ARHGAP22: variants seen among roughly 807,000 people sequenced by gnomAD.
The protein encoded by ARHGAP22 is rho GTPase-activating protein 22.
Under a neutral mutation model 59.1 loss-of-function variants are expected in ARHGAP22, and 48 were observed. The observed-to-expected ratio is 0.81, with a 90% CI of 0.64 to 1.03. The LOEUF (loss-of-function observed/expected upper bound fraction) is 1.03. Ranked by LOEUF, ARHGAP22 falls within the 50% of genes least tolerant of loss-of-function variation. The pLI is 0.00. For missense variants in ARHGAP22, 1,015 were observed against 958.7 expected, an observed-to-expected ratio of 1.06 and a Z score of -0.78; for synonymous variants, 445 against 416.4, an observed-to-expected ratio of 1.07 and a Z score of -0.84.
At chr10:48,457,320 A>G (rs1312156609) in intron 5 of ARHGAP22, among the ~76,000 whole-genome samples, 1 of 151,348 alleles carries the variant, frequency 6.6e-6, no homozygotes, top group Non-Finnish European at 1.5e-5. Flanking sequence ...GCTTCACCCC[A>G]CCTGGGTGTC....
At chr10:48,453,961 G>A (rs575559227) in intron 7 of ARHGAP22, 127 bp downstream of exon 7, 2 of 969,048 alleles carry the variant, frequency 2.1e-6, no homozygotes, top group South Asian at 2.8e-5. Flanking sequence ...GCTGGGTTGA[G>A]GCTGTGCAGG....
chr10:48,579,968 C>T (rs2059008472), intron 2 of ARHGAP22, among the ~76,000 whole-genome samples: 1 of 152,128 alleles, frequency 6.6e-6, no homozygotes, highest in Admixed American at 6.5e-5. Flanking sequence ...CGACAGTTGC[C>T]TTGAGATTGG....
chr10:48,605,039 A>G lies in ARHGAP22; in HGVS notation c.-243T>C, dbSNP rs921283338. On this transcript the variant is annotated 5_prime_UTR_variant, in exon 1 of 10. The change abolishes an upstream ATG in the 5' untranslated region. Coordinates refer to ENST00000249601, the MANE Select transcript of ARHGAP22 (RefSeq NM_021226.4). ...GAATTAATTCCCATCCAAGCGGACCATTAAAGCCTCAGTAATCACTGCTGA... is the reference window on the plus strand; with the variant it reads ...GAATTAATTCCCATCCAAGCGGACCGTTAAAGCCTCAGTAATCACTGCTGA... 4 of 1,425,640 alleles carry G rather than the reference A, an allele frequency of 2.8e-6. No homozygotes were observed. Among genetic ancestry groups the G allele is most frequent in the Non-Finnish European group, 3.7e-6 (4 of 1,092,282 alleles). 88.3% of individuals were successfully genotyped at this position (1,425,640 alleles called of 1,614,324 possible).
At chr10:48,464,903 C>A (rs987526247) in intron 4 of ARHGAP22, among the ~76,000 whole-genome samples, 3 of 152,158 alleles carry the variant, frequency 2.0e-5, no homozygotes, top group African/African-American at 7.2e-5. Flanking sequence ...CACTGGAACC[C>A]TTGGAGGGGA....
At chr10:48,634,301 T>G (rs190555796) in intron 1 of ARHGAP22, among the ~76,000 whole-genome samples, 224 of 152,298 alleles carry the variant, frequency 1.5e-3, no homozygotes, top group Non-Finnish European at 2.4e-3. Context: ...GTCAGTAAAC[T>G]TCAGATCTTC....
intron 3 of ARHGAP22, among the ~76,000 whole-genome samples, chr10:48,520,137 G>C (rs2053670157): frequency 1.3e-5 from 2 of 152,202 alleles, no homozygotes; most frequent in African/African-American, 4.8e-5. Flanking sequence ...GGGAGTGCGG[G>C]ACTGCACTGG....
chr10:48,558,645 G>C (rs991039917), intron 2 of ARHGAP22, among the ~76,000 whole-genome samples: 1 of 152,202 alleles, frequency 6.6e-6, no homozygotes, highest in African/African-American at 2.4e-5. Flanking sequence ...GGGGTTACAG[G>C]TGTGAGTCAC....
chr10:48,549,667 A>G (rs961477523), intron 3 of ARHGAP22, among the ~76,000 whole-genome samples: 2 of 152,188 alleles, frequency 1.3e-5, no homozygotes, highest in Non-Finnish European at 2.9e-5. Context: ...CATCTTATAC[A>G]TTATACGGTC....
At chr10:48,599,875 C>A (rs1018259214) in intron 1 of ARHGAP22, among the ~76,000 whole-genome samples, 1 of 152,164 alleles carries the variant, frequency 6.6e-6, no homozygotes, top group African/African-American at 2.4e-5. Context: ...GAGACAGGTG[C>A]TTGTGAGGGT....
At chr10:48,495,874 G>A (rs932422230) in intron 3 of ARHGAP22, among the ~76,000 whole-genome samples, 5 of 152,208 alleles carry the variant, frequency 3.3e-5, no homozygotes, top group African/African-American at 1.2e-4. Flanking sequence ...CCCACGTGGT[G>A]AGAAACTGAG....
chr10:48,536,398 G>A (rs1191147545), intron 3 of ARHGAP22, among the ~76,000 whole-genome samples: 1 of 152,194 alleles, frequency 6.6e-6, no homozygotes, highest in Non-Finnish European at 1.5e-5. Context: ...GCAAGCTCTT[G>A]TGCCCTCGCC....
At chr10:48,450,053 A>T (rs957985788) in intron 9 of ARHGAP22, among the ~76,000 whole-genome samples, 2 of 130,120 alleles carry the variant, frequency 1.5e-5, no homozygotes, top group Non-Finnish European at 3.4e-5. Flanking sequence ...TGCAGCGCTG[A>T]CTGCGTGCCA....
chr10:48,550,037 CG>C (rs1434989510), intron 3 of ARHGAP22, among the ~76,000 whole-genome samples: 1 of 152,200 alleles, frequency 6.6e-6, no homozygotes, highest in Admixed American at 6.5e-5. Flanking sequence ...ATGTGCTGAG[CG>C]CCTTGGAACT....
At chr10:48,484,838 C>G (rs1261983164) in intron 3 of ARHGAP22, among the ~76,000 whole-genome samples, 1 of 151,724 alleles carries the variant, frequency 6.6e-6, no homozygotes, top group Non-Finnish European at 1.5e-5. Flanking sequence ...TTGGTAATTT[C>G]TGTCTTTTTC....
intron 3 of ARHGAP22, among the ~76,000 whole-genome samples, chr10:48,553,890 A>C (rs932108014): frequency 6.6e-6 from 1 of 152,044 alleles, no homozygotes; most frequent in African/African-American, 2.4e-5. Flanking sequence ...TCTACCTTCT[A>C]GTTCTGGCCT....
intron 3 of ARHGAP22, among the ~76,000 whole-genome samples, chr10:48,515,250 C>A (rs976616407): frequency 6.6e-6 from 1 of 151,952 alleles, no homozygotes; most frequent in East Asian, 1.9e-4. Flanking sequence ...AAAAGATATA[C>A]CATAAAGACA....
At chr10:48,475,693 C>G (rs1266978894) in intron 4 of ARHGAP22, among the ~76,000 whole-genome samples, 1 of 152,250 alleles carries the variant, frequency 6.6e-6, no homozygotes, top group Admixed American at 6.5e-5. Flanking sequence ...GCCACCACCA[C>G]TGGGCCAGGC....
At chr10:48,452,093 C>T (rs905469460) in intron 8 of ARHGAP22, among the ~76,000 whole-genome samples, 8 of 152,170 alleles carry the variant, frequency 5.3e-5, no homozygotes, top group African/African-American at 1.2e-4. Flanking sequence ...CACAATCCCC[C>T]GTGTCTAGGC....
intron 3 of ARHGAP22, among the ~76,000 whole-genome samples, chr10:48,529,321 C>T (rs2054610953): frequency 6.6e-6 from 1 of 152,202 alleles, no homozygotes; most frequent in Non-Finnish European, 1.5e-5. Flanking sequence ...CTAACCACAC[C>T]TTCCAGTTCT....
Sources: gnomAD v4.1 joint callset for allele counts (sites outside exome capture counted in the v4.1 genomes callset) on GRCh38, gnomAD v4.1.1 for gene constraint, MANE v1.5 for transcripts, NCBI Gene and HGNC (gene_info 2026-07-23, HGNC 2026-07-21) for gene names.